CAPN14: variants seen among roughly 807,000 people sequenced by gnomAD.
The protein encoded by CAPN14 is calpain 14.
CAPN14 carries 94 observed loss-of-function variants against 101.3 expected under a neutral mutation model. That is an observed-to-expected ratio of 0.93 (90% CI 0.79 to 1.10). CAPN14 has a LOEUF of 1.10. Ranked by LOEUF, CAPN14 falls within the 50% of genes least tolerant of loss-of-function variation. The pLI is 0.00. For missense variants in CAPN14, 837 were observed against 828.4 expected, an observed-to-expected ratio of 1.01 and a Z score of -0.13; for synonymous variants, 338 against 317.9, an observed-to-expected ratio of 1.06 and a Z score of -0.67.
intron 1 of CAPN14, among the ~76,000 whole-genome samples, chr2:31,228,085 G>A (rs55943828): frequency 0.021 from 3,266 of 152,336 alleles, 35 homozygotes; most frequent in South Asian, 0.043. Flanking sequence ...GCTGTGGGAG[G>A]CACGCATGCG....
In CAPN14 at chr2:31,173,415, C is replaced by G. The variant is rs1429549003; in HGVS notation, c.*1266G>C. ...TTTATCTCTTCATTCAGCTTCCTTC[C>G]TGAGTCTGCTATGGAGTTGGAAATC... is the stretch of plus-strand genomic sequence containing the variant. On this transcript the variant is annotated 3_prime_UTR_variant, in exon 22 of 22. Transcript: ENST00000403897. The G allele has an allele frequency of 6.6e-6, 1 of 152,160 alleles. No homozygotes were observed. Among genetic ancestry groups the G allele is most frequent in the Non-Finnish European group, 1.5e-5 (1 of 68,036 alleles). The allele number at this position is 152,160 out of a possible 1,614,324, so 9.4% of individuals were successfully genotyped here.
chr2:31,214,426 G>T (rs1222419516), intron 1 of CAPN14, among the ~76,000 whole-genome samples: 1 of 152,158 alleles, frequency 6.6e-6, no homozygotes, highest in Admixed American at 6.5e-5. Context: ...CTTGCCTTAG[G>T]GCTCCTTTCC....
Position 31,191,393 on chromosome 2 carries a change from A to T in CAPN14, c.1287+6T>A. The T allele has an allele frequency of 6.5e-7, 1 of 1,544,542 alleles. No individual in the cohort carries two copies. The highest frequency in any genetic ancestry group is 8.7e-7 in the Non-Finnish European group (1 of 1,145,486). On this transcript the variant is annotated splice_donor_region_variant and intron_variant, in intron 12 of 21. Transcript: ENST00000403897. ...CTAGGGCCACCCGGTCAAGTGCAGA[A>T]CTCACCTTGTTCATCTAAAAAACAA...
chr2:31,189,449 AG>A lies in CAPN14; in HGVS notation c.1316del (p.Pro439LeufsTer10). On this transcript the variant is annotated frameshift_variant, in exon 13 of 22. Coordinates refer to ENST00000403897, the MANE Select transcript of CAPN14 (RefSeq NM_001145122.2). LOFTEE classifies it high-confidence loss of function. ...GAGGAGTGTTTCTCTGGAAGAACTC[AG>A]GGGGCAGTCTCCTCTGGTCATCATG... ...KYHDDQRRLPPEFFQRNTPLS... is the reference protein window; with the variant it reads ...KYHDDQRRLPXEFFQRNTPLS... 1 of 1,551,628 alleles carries A rather than the reference AG, an allele frequency of 6.4e-7. No homozygotes were observed. The highest frequency in any genetic ancestry group is 8.7e-7 in the Non-Finnish European group (1 of 1,146,952).
In CAPN14 at chr2:31,232,016, G is replaced by A. The variant is rs116423311; in HGVS notation, c.-177+1775C>T. On this transcript the variant is annotated intron_variant and NMD_transcript_variant, in intron 1 of 21. Coordinates refer to the CAPN14 transcript ENST00000398824. ...AGAGATGATCAGTTTTGGGGTTCAA[G>A]GAGGGAGTCGGGAGATCTGAGATGT... is the stretch of plus-strand genomic sequence containing the variant. Among the ~76,000 whole-genome samples the A allele has an allele frequency of 5.8e-3, 887 of 152,292 alleles. 10 individuals carry two copies. The highest frequency in any genetic ancestry group is 0.02 in the African/African-American group (835 of 41,570).
intron 1 of CAPN14, among the ~76,000 whole-genome samples, chr2:31,213,664 C>T (rs72786911): frequency 0.019 from 2,899 of 152,280 alleles, 32 homozygotes; most frequent in South Asian, 0.043. Flanking sequence ...CTAATTGATT[C>T]GTTGACTTTT....
At chr2:31,220,387 C>T (rs558513864), upstream of CAPN14, among the ~76,000 whole-genome samples, 1 of 152,380 alleles carries the variant, frequency 6.6e-6, no homozygotes, top group African/African-American at 2.4e-5. Context: ...TGGCTAAGCT[C>T]TAACCATTGA....
chr2:31,184,195 C>T (rs961926628), intron 16 of CAPN14, among the ~76,000 whole-genome samples: 13 of 152,176 alleles, frequency 8.5e-5, no homozygotes, highest in African/African-American at 2.7e-4. Context: ...CCTCAGGTTT[C>T]TTGATGGATG....
intron 1 of CAPN14, among the ~76,000 whole-genome samples, chr2:31,229,090 C>T (rs545880143): frequency 1.3e-5 from 2 of 152,276 alleles, no homozygotes. Flanking sequence ...CACTAAACTT[C>T]AACAATATGT....
rs1403837806 is a variant in CAPN14, at chr2:31,201,973, G to A, written c.440C>T (p.Pro147Leu). ...FWFWHYGNWV[P>L]VVIDDRLPVN... ...AGGCAGACGGTCATCGATCACCACAGGAACCCAGTTCCCATAGTGCCAGAA... is the reference window on the plus strand; with the variant it reads ...AGGCAGACGGTCATCGATCACCACAAGAACCCAGTTCCCATAGTGCCAGAA... The change falls in exon 5 of 22, where the codon CCT becomes CTT. Residue 147 changes from proline to leucine, a missense_variant. Transcript: ENST00000403897. 2 of 1,551,750 alleles carry A rather than the reference G, an allele frequency of 1.3e-6. No homozygotes were observed. Among genetic ancestry groups the A allele is most frequent in the Admixed American group, 2.0e-5 (1 of 51,006 alleles).
chr2:31,180,208 A>AGCGCTTGGAGAGGGTCTGATCTT (rs1680518278), intron 17 of CAPN14, among the ~76,000 whole-genome samples: 4 of 152,228 alleles, frequency 2.6e-5, no homozygotes, highest in Non-Finnish European at 4.4e-5. Flanking sequence ...TGATGAAATG[A>AGCGCTTGGAGAGGGTCTGATCTT]GCGCTTGGAG....
intron 1 of CAPN14, among the ~76,000 whole-genome samples, chr2:31,233,436 C>A (rs1318936793): frequency 6.6e-6 from 1 of 152,220 alleles, no homozygotes; most frequent in Admixed American, 6.5e-5. Flanking sequence ...AAATTAGCCA[C>A]ACAAAAGGAG....
At chr2:31,177,940 T>C (rs904645953) in intron 18 of CAPN14, 119 bp from the exon 19 acceptor site, 1 of 714,198 alleles carries the variant, frequency 1.4e-6, no homozygotes, top group South Asian at 1.6e-5. Context: ...AGGCTCCACA[T>C]GCAGGGCCTG....
intron 1 of CAPN14, among the ~76,000 whole-genome samples, chr2:31,209,372 T>C (rs1461525960): frequency 1.3e-5 from 2 of 152,082 alleles, no homozygotes; most frequent in East Asian, 3.9e-4. Flanking sequence ...AGATGCTGGG[T>C]GCTAGGAAGG....
At chr2:31,175,506 G>A (rs1680244954) in intron 21 of CAPN14, among the ~76,000 whole-genome samples, 1 of 152,142 alleles carries the variant, frequency 6.6e-6, no homozygotes, top group African/African-American at 2.4e-5. Context: ...CCTATTTCAG[G>A]TGCCACATTT....
At chr2:31,183,883 A>ACTTT (rs1179819954) in intron 16 of CAPN14, among the ~76,000 whole-genome samples, 68 of 102,702 alleles carry the variant, frequency 6.6e-4, no homozygotes, top group African/African-American at 2.6e-3. Context: ...CTTTTCTTTC[A>ACTTT]CTTTCTTTCT....
At chr2:31,229,179 C>T (rs1357911652) in intron 1 of CAPN14, among the ~76,000 whole-genome samples, 4 of 152,102 alleles carry the variant, frequency 2.6e-5, no homozygotes, top group Non-Finnish European at 4.4e-5. Flanking sequence ...TAGGGGTCCC[C>T]TCTAGAAAGA....
At chr2:31,226,161 A>C (rs1386017755) in intron 2 of CAPN14, among the ~76,000 whole-genome samples, 1 of 152,218 alleles carries the variant, frequency 6.6e-6, no homozygotes, top group Non-Finnish European at 1.5e-5. Flanking sequence ...TTGAACCGAG[A>C]GAACTAGTAA....
At chr2:31,180,833 C>T in intron 17 of CAPN14, 103 bp downstream of exon 17, 1 of 985,544 alleles carries the variant, frequency 1.0e-6, no homozygotes, top group Non-Finnish European at 1.5e-6. Context: ...CAGGATCCCA[C>T]AATTAGCAAG....
Sources: allele counts gnomAD v4.1 joint callset (sites outside exome capture counted in the v4.1 genomes callset), GRCh38; gene constraint gnomAD v4.1.1; transcripts MANE v1.5; gene names NCBI Gene and HGNC (gene_info 2026-07-23, HGNC 2026-07-21).